Variants in PCDH15 observed in about 807,000 individuals in gnomAD.
PCDH15 encodes the protein protocadherin-15.
Under a neutral mutation model 178.5 loss-of-function variants are expected in PCDH15, and 129 were observed. The observed-to-expected ratio is 0.72, with a 90% CI of 0.63 to 0.84. The LOEUF is 0.84. Among genes scored for constraint, PCDH15 ranks in the 40% least tolerant of loss-of-function variants. PCDH15 has a pLI of 0.00. For synonymous variants in PCDH15, 800 were observed against 732.0 expected (o/e 1.09, Z -1.50); for missense variants, 2,230 against 2,099.9 (o/e 1.06, Z -1.21).
intron 11 of PCDH15, among the ~76,000 whole-genome samples, chr10:54,188,854 G>A (rs2384394): frequency 0.44 from 67,122 of 151,626 alleles, 17,852 homozygotes; most frequent in East Asian, 0.93. Flanking sequence ...ATAGACATAT[G>A]TGCACATATA....
intron 13 of PCDH15, among the ~76,000 whole-genome samples, chr10:54,164,996 T>G (rs1402737978): frequency 6.6e-6 from 1 of 152,198 alleles, no homozygotes; most frequent in African/African-American, 2.4e-5. Context: ...GGAAATTCAC[T>G]ATTCAGTGTG....
chr10:55,318,197 A>G (rs1843779931), intron 1 of PCDH15, among the ~76,000 whole-genome samples: 1 of 152,152 alleles, frequency 6.6e-6, no homozygotes, highest in South Asian at 2.1e-4. Context: ...CTCGGAAAAA[A>G]GAAAAGTTTA....
chr10:53,821,265 A>G (rs868459797), intron 32 of PCDH15: 15 of 985,092 alleles, frequency 1.5e-5, no homozygotes, highest in Non-Finnish European at 1.8e-5. Context: ...AGAGTAAAAG[A>G]TGTTCTTATC....
At position 54,244,490 on chromosome 10, in the gene PCDH15, G is replaced by T. The variant is rs577816358; in HGVS notation, c.877-7559C>A. On this transcript the variant is annotated intron_variant, in intron 8 of 37. Coordinates refer to ENST00000644397, the MANE Select transcript of PCDH15 (RefSeq NM_001384140.1). ...AACAAAATCTTGTTGGTAACAAAAG[G>T]TTGGTGACTTGTTCCACGCTGTCCA... 1.7e-4 allele frequency among the ~76,000 whole-genome samples: 26 copies of T among 152,246 alleles called. No individual in the cohort carries two copies. In the South Asian group the frequency reaches 5.4e-3, roughly 32 times the overall value.
At chr10:53,999,292 T>A (rs997021990) in intron 20 of PCDH15, among the ~76,000 whole-genome samples, 4 of 152,160 alleles carry the variant, frequency 2.6e-5, no homozygotes, top group East Asian at 1.9e-4. Flanking sequence ...TGGTTGATTG[T>A]TTGCCTCTTA....
In PCDH15 at chr10:55,403,447, A is replaced by G. The variant is rs115599471; in HGVS notation, c.-156+224178T>C. Among the ~76,000 whole-genome samples the G allele has an allele frequency of 7.9e-3, 1,201 of 151,850 alleles. 15 individuals carry two copies. Among genetic ancestry groups the G allele is most frequent in the African/African-American group, 0.026 (1,079 of 41,466 alleles). ...GAAGTCTTGGCCATAAAATCTTTGC[A>G]CACACCAATCTCTTACATCATCCCC... On this transcript the variant is annotated intron_variant, in intron 2 of 5. Transcript: ENST00000613346.
intron 23 of PCDH15, among the ~76,000 whole-genome samples, chr10:53,943,221 G>A (rs781220753): frequency 6.6e-6 from 1 of 152,004 alleles, no homozygotes. Context: ...GGGCGCGGTG[G>A]CTCACTCCTG....
chr10:54,818,892 T>C (rs1952990861), intron 3 of PCDH15, among the ~76,000 whole-genome samples: 1 of 152,038 alleles, frequency 6.6e-6, no homozygotes, highest in South Asian at 2.1e-4. Flanking sequence ...ATTTTTCTTA[T>C]AATAGAATAT....
In PCDH15 at chr10:53,823,353, A is replaced by AAAAG. The variant is rs754624281; in HGVS notation, c.4368-3127_4368-3124dup. The AAAAG allele has an allele frequency of 1.2e-6, 2 of 1,612,502 alleles. No homozygotes were observed. The highest frequency in any genetic ancestry group is 1.7e-5 in the Admixed American group (1 of 59,988). ...GCTTTGTTGAAAATGGTAGAGAAGG[A>AAAAG]AAAGACTTGAAAGAAAAGAAGATAA... is the stretch of plus-strand genomic sequence containing the variant. On this transcript the variant is annotated intron_variant, in intron 32 of 37. Transcript: ENST00000644397.
intron 32 of PCDH15, chr10:53,821,942 G>A: frequency 6.2e-7 from 1 of 1,613,682 alleles, no homozygotes; most frequent in Non-Finnish European, 8.5e-7. Context: ...GTTCAGATGT[G>A]ATTTCCATAT....
chr10:54,759,291 T>C (rs748440790), intron 1 of PCDH15, among the ~76,000 whole-genome samples: 1 of 152,146 alleles, frequency 6.6e-6, no homozygotes, highest in Non-Finnish European at 1.5e-5. Flanking sequence ...TTTGTTCAGG[T>C]TGCAAAATGT....
At chr10:54,434,684 A>G (rs1342923250) in intron 3 of PCDH15, among the ~76,000 whole-genome samples, 1 of 152,210 alleles carries the variant, frequency 6.6e-6, no homozygotes, top group Non-Finnish European at 1.5e-5. Context: ...CCTATCATCA[A>G]TCAAGGCATG....
At chr10:55,496,583 G>A (rs1012980599) in intron 2 of PCDH15, among the ~76,000 whole-genome samples, 1 of 151,794 alleles carries the variant, frequency 6.6e-6, no homozygotes, top group Non-Finnish European at 1.5e-5. Flanking sequence ...AAATAATCAA[G>A]TGAGGAGGGA....
intron 2 of PCDH15, among the ~76,000 whole-genome samples, chr10:55,069,836 C>T (rs1352035572): frequency 6.7e-6 from 1 of 149,524 alleles, no homozygotes; most frequent in East Asian, 2.0e-4. Flanking sequence ...AGTTCTAGAT[C>T]CCTGAGGAAC....
chr10:54,917,010 C>G (rs1837353974), intron 2 of PCDH15, among the ~76,000 whole-genome samples: 1 of 152,074 alleles, frequency 6.6e-6, no homozygotes, highest in African/African-American at 2.4e-5. Context: ...GTAGAGTGAG[C>G]TCTTTTTTCA....
chr10:54,748,185 G>C lies in PCDH15; in HGVS notation c.-29+52740C>G, dbSNP rs139969303. The stretch of plus-strand genomic sequence containing the variant: ...AAGACGATCTGCTTTAGATTAATAG[G>C]ATGCTTTGAGAAAATAAACTTCATG... On this transcript the variant is annotated intron_variant, in intron 1 of 37. Transcript: ENST00000644397. 1.7e-3 allele frequency among the ~76,000 whole-genome samples: 254 copies of C among 152,218 alleles called. 1 individual carries two copies. Among genetic ancestry groups the C allele is most frequent in the African/African-American group, 5.7e-3 (237 of 41,540 alleles).
intron 17 of PCDH15, among the ~76,000 whole-genome samples, chr10:54,074,179 T>C (rs140500132): frequency 6.6e-6 from 1 of 152,232 alleles, no homozygotes; most frequent in Non-Finnish European, 1.5e-5. Context: ...ACTGTCCACC[T>C]CTAGATTTTT....
chr10:53,841,886 G>A (rs1159121051), intron 28 of PCDH15, among the ~76,000 whole-genome samples: 1 of 151,274 alleles, frequency 6.6e-6, no homozygotes, highest in Non-Finnish European at 1.5e-5. Flanking sequence ...GCTTGAACCC[G>A]GGAGGTGGAG....
chr10:54,756,206 C>A (rs1048232273), intron 1 of PCDH15, among the ~76,000 whole-genome samples: 19 of 151,848 alleles, frequency 1.3e-4, no homozygotes, highest in Admixed American at 1.3e-4. Context: ...GCCGAGATCA[C>A]GCCATTGCAC....
Sources: gnomAD v4.1 joint callset for allele counts (sites outside exome capture counted in the v4.1 genomes callset) on GRCh38, gnomAD v4.1.1 for gene constraint, MANE v1.5 for transcripts, NCBI Gene and HGNC (gene_info 2026-07-23, HGNC 2026-07-21) for gene names.